The following MICAL3 variants were observed in gnomAD, a reference collection of about 807,000 sequenced individuals.
The protein encoded by MICAL3 is microtubule associated monooxygenase, calponin and LIM domain containing 3.
MICAL3 carries 62 observed loss-of-function variants against 207.4 expected under a neutral mutation model. That is an observed-to-expected ratio of 0.30 (90% confidence interval 0.24 to 0.37). The LOEUF is 0.37. Among genes scored for constraint, MICAL3 ranks in the 10% least tolerant of loss-of-function variants. The pLI is 1.00. For missense variants in MICAL3, 2,368 were observed against 2,635.6 expected (o/e 0.90, Z 2.22); for synonymous variants, 1,077 against 1,069.3 (o/e 1.01, Z -0.14).
Position 17,827,643 on chromosome 22 carries a change from C to A in MICAL3, c.3193+1G>T. ...TGCGGCCTGGGGCTGGGAGTGTTTA[C>A]CTCCGGAAGCAGAGGACTCAGAGGC... On this transcript the variant is annotated splice_donor_variant, in intron 22 of 31. Transcript: ENST00000441493. LOFTEE classifies it high-confidence loss of function. 2 of 1,561,324 alleles carry A rather than the reference C, an allele frequency of 1.3e-6. No homozygotes were observed. Among genetic ancestry groups the A allele is most frequent in the South Asian group, 1.2e-5 (1 of 84,608 alleles).
chr22:17,821,422 C>T lies in MICAL3; in HGVS notation c.3531+5G>A, dbSNP rs1457605601. ...TGTACCCCACAGCGAGCCCCAAACCCTTACCTCTGTTGAGGGGCTGTGGAC... is the reference window on the plus strand; with the variant it reads ...TGTACCCCACAGCGAGCCCCAAACCTTTACCTCTGTTGAGGGGCTGTGGAC... On this transcript the variant is annotated splice_donor_5th_base_variant and intron_variant, in intron 25 of 31. Coordinates refer to ENST00000441493, the MANE Select transcript of MICAL3 (RefSeq NM_015241.3). 1.9e-6 allele frequency: 3 copies of T among 1,542,380 alleles called. No homozygotes were observed. In the African/African-American group the frequency reaches 4.2e-5, roughly 21 times the overall value.
At chr22:17,856,332 T>C (rs756688798) in intron 19 of MICAL3, among the ~76,000 whole-genome samples, 17 of 152,334 alleles carry the variant, frequency 1.1e-4, no homozygotes, top group Non-Finnish European at 2.2e-4. Context: ...GCCCTAAGCA[T>C]GGTCTTTTGA....
At chr22:17,798,613 A>G (rs923157152) in intron 29 of MICAL3, among the ~76,000 whole-genome samples, 3 of 151,512 alleles carry the variant, frequency 2.0e-5, no homozygotes, top group African/African-American at 4.9e-5. Flanking sequence ...ACTGCTAACT[A>G]TAGTACCACT....
chr22:17,829,302 G>T (rs1040316935), intron 21 of MICAL3, among the ~76,000 whole-genome samples: 4 of 152,138 alleles, frequency 2.6e-5, no homozygotes, highest in African/African-American at 7.2e-5. Context: ...AAGTAGCTGG[G>T]ATTACAGGCA....
At chr22:17,891,220 G>A (rs1190828214) in intron 12 of MICAL3, among the ~76,000 whole-genome samples, 1 of 151,602 alleles carries the variant, frequency 6.6e-6, no homozygotes, top group Non-Finnish European at 1.5e-5. Context: ...TTTGACTTAT[G>A]AGTGTTGTGA....
At chr22:17,801,114 G>GTGTGAT (rs1019912086) in intron 29 of MICAL3, among the ~76,000 whole-genome samples, 1 of 151,600 alleles carries the variant, frequency 6.6e-6, no homozygotes, top group Non-Finnish European at 1.5e-5. Flanking sequence ...GTGGGGCACT[G>GTGTGAT]TGTGATTCAC....
At chr22:17,987,049 G>A (rs1921099674) in intron 1 of MICAL3, among the ~76,000 whole-genome samples, 1 of 151,898 alleles carries the variant, frequency 6.6e-6, no homozygotes, top group African/African-American at 2.4e-5. Context: ...GCCAGCCTGG[G>A]CAACACAGCG....
intron 20 of MICAL3, among the ~76,000 whole-genome samples, chr22:17,833,313 G>A (rs1923016021): frequency 6.6e-6 from 1 of 152,112 alleles, no homozygotes; most frequent in Non-Finnish European, 1.5e-5. Context: ...GGCCTTGCCT[G>A]CAGTGAGAGG....
intron 29 of MICAL3, among the ~76,000 whole-genome samples, chr22:17,799,309 GA>G (rs1181560763): frequency 6.6e-6 from 1 of 152,232 alleles, no homozygotes; most frequent in Non-Finnish European, 1.5e-5. Context: ...TTGAACCCGG[GA>G]GGTGGGGGTT....
At chr22:17,974,482 G>A in intron 1 of MICAL3, among the ~76,000 whole-genome samples, 1 of 152,152 alleles carries the variant, frequency 6.6e-6, no homozygotes, top group East Asian at 1.9e-4. Context: ...GAGGCCAAAG[G>A]AGGAGAATTG....
intron 9 of MICAL3, 81 bp from the exon 10 acceptor site, chr22:17,895,491 C>T (rs962858745): frequency 7.3e-6 from 11 of 1,508,280 alleles, no homozygotes; most frequent in Admixed American, 1.8e-5. Context: ...GTTCTGACAG[C>T]GCAGCAAGTC....
chr22:17,863,674 C>T (rs1409765535), intron 19 of MICAL3: 1 of 985,348 alleles, frequency 1.0e-6, no homozygotes, highest in Non-Finnish European at 1.2e-6. Context: ...GCTGGGTTCT[C>T]ATGGCTCCCA....
At chr22:17,897,998 A>G (rs567941438) in intron 7 of MICAL3, among the ~76,000 whole-genome samples, 1 of 152,330 alleles carries the variant, frequency 6.6e-6, no homozygotes, top group South Asian at 2.1e-4. Context: ...TGTTAAAGCC[A>G]AAACACAAAC....
intron 1 of MICAL3, among the ~76,000 whole-genome samples, chr22:17,924,160 C>T (rs1301861968): frequency 6.6e-6 from 1 of 152,212 alleles, no homozygotes; most frequent in Non-Finnish European, 1.5e-5. Flanking sequence ...ATGGGAGCTA[C>T]AATTCAGTAT....
intron 1 of MICAL3, among the ~76,000 whole-genome samples, chr22:17,944,462 T>C (rs1933960916): frequency 6.6e-6 from 1 of 152,188 alleles, no homozygotes; most frequent in African/African-American, 2.4e-5. Context: ...ATCTCCCGCC[T>C]GTTCAAGCAT....
intron 1 of MICAL3, among the ~76,000 whole-genome samples, chr22:17,989,141 T>G (rs567719554): frequency 6.6e-6 from 1 of 152,248 alleles, no homozygotes; most frequent in Non-Finnish European, 1.5e-5. Flanking sequence ...AAGCCCACAC[T>G]GTACCCTGAC....
intron 1 of MICAL3, among the ~76,000 whole-genome samples, chr22:17,913,697 T>C (rs1932284543): frequency 6.6e-6 from 1 of 152,182 alleles, no homozygotes; most frequent in African/African-American, 2.4e-5. Flanking sequence ...ACTTATGTTG[T>C]ATCTTTTCTA....
intron 10 of MICAL3, 25 bp from the exon 11 acceptor site, chr22:17,893,929 CAG>C (rs563825883): frequency 7.1e-5 from 106 of 1,503,258 alleles, no homozygotes; most frequent in Non-Finnish European, 9.4e-5. Flanking sequence ...CAAAGTCAAA[CAG>C]AAAGAAAATC....
chr22:17,791,187 C>T lies in MICAL3; in HGVS notation c.5750+15G>A. The T allele has an allele frequency of 6.2e-7, 1 of 1,613,066 alleles. No individual in the cohort carries two copies. The highest frequency in any genetic ancestry group is 8.5e-7 in the Non-Finnish European group (1 of 1,179,500). On this transcript the variant is annotated intron_variant, in intron 30 of 31. Coordinates refer to ENST00000441493, the MANE Select transcript of MICAL3 (RefSeq NM_015241.3). ...ACAAGCATAGCGCTGACGCCCCCTA[C>T]CCAAGGCCACTCACAAGATCATCAG...
Sources: allele counts gnomAD v4.1 joint callset (sites outside exome capture counted in the v4.1 genomes callset), GRCh38; gene constraint gnomAD v4.1.1; transcripts MANE v1.5; gene names NCBI Gene and HGNC (gene_info 2026-07-23, HGNC 2026-07-21).